The following RALGPS1 variants were observed in gnomAD, a reference collection of about 807,000 sequenced individuals.
RALGPS1 encodes ras-specific guanine nucleotide-releasing factor RalGPS1.
A neutral mutation model predicts 78.8 loss-of-function variants in RALGPS1; 19 were observed. The observed-to-expected ratio is 0.24, with a 90% CI of 0.17 to 0.35. RALGPS1 has a LOEUF of 0.35. Among genes scored for constraint, RALGPS1 ranks in the 10% least tolerant of loss-of-function variants. The pLI is 1.00. For synonymous variants in RALGPS1, 228 were observed against 256.3 expected (o/e 0.89, Z 1.06); for missense variants, 454 against 688.3 (o/e 0.66, Z 3.81).
At chr9:127,154,855 T>C (rs1358271037) in intron 8 of RALGPS1, among the ~76,000 whole-genome samples, 1 of 152,178 alleles carries the variant, frequency 6.6e-6, no homozygotes, top group East Asian at 1.9e-4. Flanking sequence ...CCTCGGACGT[T>C]TGGGGAGCCT....
chr9:126,922,299 A>G (rs1052332217), intron 1 of RALGPS1, among the ~76,000 whole-genome samples: 2 of 152,226 alleles, frequency 1.3e-5, no homozygotes, highest in African/African-American at 4.8e-5. Context: ...TAAGCAGAAG[A>G]AAATTTGAAT....
Position 126,929,794 on chromosome 9 carries a change from C to A in RALGPS1, c.-66+14819C>A, listed in dbSNP as rs1007375219. Among the ~76,000 whole-genome samples the A allele has an allele frequency of 2.6e-4, 40 of 151,916 alleles. 1 individual carries two copies. Among genetic ancestry groups the A allele is most frequent in the Non-Finnish European group, 7.4e-5 (5 of 67,996 alleles). On this transcript the variant is annotated intron_variant, in intron 1 of 18. Transcript: ENST00000259351. ...AAATTTTTATTGCCACTTCTACTTC[C>A]CTGAGTATTTTAGTGGATAGACATT...
At chr9:127,075,373 AC>A (rs2050586211) in intron 8 of RALGPS1, among the ~76,000 whole-genome samples, 1 of 152,342 alleles carries the variant, frequency 6.6e-6, no homozygotes, top group East Asian at 1.9e-4. Flanking sequence ...ATGAGGGTTT[AC>A]CATGGGGTGC....
intron 1 of RALGPS1, among the ~76,000 whole-genome samples, chr9:126,941,653 C>G (rs1324633533): frequency 6.6e-6 from 1 of 152,160 alleles, no homozygotes; most frequent in East Asian, 1.9e-4. Flanking sequence ...TGCTCTATCC[C>G]TAGCATCTAG....
intron 5 of RALGPS1, among the ~76,000 whole-genome samples, chr9:127,044,882 CATT>C (rs1225775714): frequency 6.6e-6 from 1 of 152,168 alleles, no homozygotes; most frequent in Non-Finnish European, 1.5e-5. Flanking sequence ...CCTCCTGAAT[CATT>C]ATTGTTGGTT....
chr9:126,949,274 G>T (rs928296915), intron 1 of RALGPS1, among the ~76,000 whole-genome samples: 7 of 152,106 alleles, frequency 4.6e-5, no homozygotes, highest in African/African-American at 1.7e-4. Flanking sequence ...AATAAACATA[G>T]GTGTGCATGT....
intron 4 of RALGPS1, among the ~76,000 whole-genome samples, chr9:127,002,267 G>A (rs1342891535): frequency 2.6e-5 from 4 of 152,012 alleles, no homozygotes; most frequent in Non-Finnish European, 4.4e-5. Context: ...ATATATGTGA[G>A]ATTTATCCTG....
chr9:127,004,342 C>T (rs911126519), intron 4 of RALGPS1, among the ~76,000 whole-genome samples: 10 of 152,212 alleles, frequency 6.6e-5, no homozygotes, highest in Non-Finnish European at 1.3e-4. Flanking sequence ...GACAGTGTTT[C>T]GCAATGTTGG....
intron 5 of RALGPS1, among the ~76,000 whole-genome samples, chr9:127,042,970 A>T (rs1307569533): frequency 1.3e-5 from 2 of 152,220 alleles, no homozygotes; most frequent in African/African-American, 4.8e-5. Flanking sequence ...CAAAATATGT[A>T]CAGGTTCTGT....
intron 11 of RALGPS1, among the ~76,000 whole-genome samples, chr9:127,187,281 T>C (rs1277029601): frequency 6.6e-6 from 1 of 152,154 alleles, no homozygotes; most frequent in African/African-American, 2.4e-5. Flanking sequence ...GGAGGAAATG[T>C]CTCCTGTTTA....
At chr9:127,086,129 C>G (rs180845379) in intron 8 of RALGPS1, among the ~76,000 whole-genome samples, 1 of 152,184 alleles carries the variant, frequency 6.6e-6, no homozygotes, top group Non-Finnish European at 1.5e-5. Flanking sequence ...CACGGACACA[C>G]ACACACGCCT....
chr9:126,917,571 T>C (rs1377038398), intron 1 of RALGPS1, among the ~76,000 whole-genome samples: 1 of 152,214 alleles, frequency 6.6e-6, no homozygotes, highest in Non-Finnish European at 1.5e-5. Flanking sequence ...CTTCCTTAGC[T>C]TCACAGAGCT....
intron 4 of RALGPS1, among the ~76,000 whole-genome samples, chr9:127,023,349 A>G (rs550141163): frequency 6.6e-6 from 1 of 152,228 alleles, no homozygotes; most frequent in African/African-American, 2.4e-5. Flanking sequence ...TCACTGTGGA[A>G]CCTTTCCAGC....
At chr9:127,215,095 C>G (rs919726584) in intron 18 of RALGPS1, among the ~76,000 whole-genome samples, 1 of 152,198 alleles carries the variant, frequency 6.6e-6, no homozygotes, top group Non-Finnish European at 1.5e-5. Context: ...CACAGAAACA[C>G]CCACTGGGGG....
intron 4 of RALGPS1, among the ~76,000 whole-genome samples, chr9:126,979,502 C>T (rs970958110): frequency 8.5e-5 from 13 of 152,178 alleles, no homozygotes; most frequent in African/African-American, 3.1e-4. Context: ...CTCTGCTTAG[C>T]TCTGATCTGG....
At chr9:127,169,658 G>C (rs746748102) in intron 10 of RALGPS1, among the ~76,000 whole-genome samples, 7 of 152,106 alleles carry the variant, frequency 4.6e-5, no homozygotes, top group Non-Finnish European at 1.0e-4. Context: ...AACTTAGGAT[G>C]GTTCAACTTA....
intron 8 of RALGPS1, among the ~76,000 whole-genome samples, chr9:127,095,379 C>T (rs140743872): frequency 3.0e-3 from 462 of 152,300 alleles, no homozygotes; most frequent in Non-Finnish European, 5.7e-3. Context: ...GCCTGAGTGG[C>T]AGAGCAAGAC....
At chr9:127,015,921 G>A (rs2044773788) in intron 4 of RALGPS1, among the ~76,000 whole-genome samples, 1 of 151,886 alleles carries the variant, frequency 6.6e-6, no homozygotes, top group African/African-American at 2.4e-5. Flanking sequence ...TAACCCTTCT[G>A]CCCTTGACTG....
At chr9:127,152,805 TCTC>T (rs368103316) in intron 8 of RALGPS1, among the ~76,000 whole-genome samples, 226 of 152,244 alleles carry the variant, frequency 1.5e-3, no homozygotes, top group African/African-American at 4.7e-3. Context: ...TGTACCCCCA[TCTC>T]CTCCTAAAGC....
Sources: allele counts gnomAD v4.1 joint callset (sites outside exome capture counted in the v4.1 genomes callset), GRCh38; gene constraint gnomAD v4.1.1; transcripts MANE v1.5; gene names NCBI Gene and HGNC (gene_info 2026-07-23, HGNC 2026-07-21).